RPS6KA2: variants seen among roughly 807,000 people sequenced by gnomAD.
The protein encoded by RPS6KA2 is ribosomal protein S6 kinase A2.
In RPS6KA2, 42 loss-of-function variants were observed where a neutral mutation model predicts 91.8. The observed-to-expected ratio is 0.46, with a 90% CI of 0.36 to 0.59. The LOEUF is 0.59. Ranked by LOEUF, RPS6KA2 falls within the 20% of genes least tolerant of loss-of-function variation. RPS6KA2 has a pLI of 0.00. For synonymous variants in RPS6KA2, 414 were observed against 393.6 expected, an observed-to-expected ratio of 1.05 and a Z score of -0.61; for missense variants, 798 against 978.5, an observed-to-expected ratio of 0.82 and a Z score of 2.46.
chr6:166,662,942 G>A lies in RPS6KA2; in HGVS notation c.124-124158C>T, dbSNP rs372364611. Among the ~76,000 whole-genome samples, 6 of 152,202 alleles carry A rather than the reference G, an allele frequency of 3.9e-5. No individual in the cohort carries two copies. Among genetic ancestry groups the A allele is most frequent in the South Asian group, 2.1e-4 (1 of 4,804 alleles). ...CCTCTGTGTATGGAGGAACGGCCAC[G>A]CGAGGACAGGGAGGAGGCGCCATCT... is the stretch of plus-strand genomic sequence containing the variant. On this transcript the variant is annotated intron_variant, in intron 2 of 21. Coordinates refer to the RPS6KA2 transcript ENST00000503859. This position sits in a 1 kb window ranked among gnomAD's most constrained non-coding sequence, Gnocchi z 4.3.
chr6:166,478,770 C>T (rs962853867), intron 10 of RPS6KA2, among the ~76,000 whole-genome samples: 2 of 152,136 alleles, frequency 1.3e-5, no homozygotes, highest in African/African-American at 4.8e-5. Flanking sequence ...CTCTGCACAC[C>T]GGTGCTCTCT....
At chr6:166,456,195 G>A (rs369140341) in intron 12 of RPS6KA2, among the ~76,000 whole-genome samples, 2 of 152,188 alleles carry the variant, frequency 1.3e-5, no homozygotes, top group Non-Finnish European at 2.9e-5. Flanking sequence ...GAGAGCCTGC[G>A]GAAAGGGTAA....
chr6:166,561,328 G>A (rs1012822058), intron 1 of RPS6KA2, among the ~76,000 whole-genome samples: 14 of 151,966 alleles, frequency 9.2e-5, no homozygotes, highest in African/African-American at 2.4e-4. Context: ...CTTTGTCCCC[G>A]ATACCCTGAA....
At chr6:166,463,091 C>T (rs3817794) in intron 11 of RPS6KA2, 47,532 of 152,260 alleles carry the variant, frequency 0.31, 7,523 homozygotes, top group Admixed American at 0.41. Context: ...CTTTGGACGG[C>T]TTCCTCGAGG....
chr6:166,854,921 AG>A (rs1394352029), intron 2 of RPS6KA2, among the ~76,000 whole-genome samples: 1 of 152,256 alleles, frequency 6.6e-6, no homozygotes, highest in African/African-American at 2.4e-5. Context: ...AATTCACAAT[AG>A]CATAGCCATG....
chr6:166,430,340 G>C, intron 16 of RPS6KA2, 113 bp downstream of exon 16: 2 of 947,624 alleles, frequency 2.1e-6, no homozygotes, highest in Non-Finnish European at 3.2e-6. Flanking sequence ...TGGCACGGAA[G>C]GAATTCCAGG....
intron 2 of RPS6KA2, among the ~76,000 whole-genome samples, chr6:166,700,940 G>C (rs1330850049): frequency 6.6e-6 from 1 of 152,164 alleles, no homozygotes; most frequent in Non-Finnish European, 1.5e-5. Context: ...TTCTCACAGA[G>C]ACAGGAGTTC....
At chr6:166,724,158 T>C (rs931060354) in intron 2 of RPS6KA2, among the ~76,000 whole-genome samples, 33 of 152,228 alleles carry the variant, frequency 2.2e-4, no homozygotes, top group African/African-American at 8.0e-4. Context: ...ATATCAAATA[T>C]GCTATATTAA....
intron 2 of RPS6KA2, among the ~76,000 whole-genome samples, chr6:166,673,015 C>CCCGAGCCCTCT (rs1289115119): frequency 5.9e-5 from 9 of 152,174 alleles, no homozygotes; most frequent in Non-Finnish European, 1.3e-4. Context: ...TGGGTGGGCC[C>CCCGAGCCCTCT]CCGAGCCCTC....
At chr6:166,784,985 C>T (rs912545789) in intron 2 of RPS6KA2, among the ~76,000 whole-genome samples, 3 of 152,230 alleles carry the variant, frequency 2.0e-5, no homozygotes, top group African/African-American at 7.2e-5. Context: ...GGAAAATCCC[C>T]AGCTTGCCCT....
At chr6:166,783,868 C>A (rs1235001711) in intron 2 of RPS6KA2, among the ~76,000 whole-genome samples, 2 of 112,100 alleles carry the variant, frequency 1.8e-5, no homozygotes, top group East Asian at 4.3e-4. Context: ...CACACGTGCA[C>A]ACCTACGCAT....
At chr6:166,630,160 A>G (rs775799421), upstream of RPS6KA2, among the ~76,000 whole-genome samples, 1 of 152,204 alleles carries the variant, frequency 6.6e-6, no homozygotes, top group Non-Finnish European at 1.5e-5. Flanking sequence ...ATAACAGGGC[A>G]CTGTCAGGCA....
intron 1 of RPS6KA2, among the ~76,000 whole-genome samples, chr6:166,621,826 G>C (rs1285495634): frequency 6.6e-6 from 1 of 152,160 alleles, no homozygotes; most frequent in Non-Finnish European, 1.5e-5. Context: ...TGGTTGACCC[G>C]AACGTTGCCT....
chr6:166,449,850 A>AGGACCACCATGGGACAACCACCACGC (rs1779808712), intron 13 of RPS6KA2, among the ~76,000 whole-genome samples: 1 of 87,008 alleles, frequency 1.1e-5, no homozygotes, highest in Non-Finnish European at 2.7e-5. Context: ...GACAACCACG[A>AGGACCACCATGGGACAACCACCACGC]GGACCACCAT....
At chr6:166,729,127 T>A (rs1189307256) in intron 2 of RPS6KA2, among the ~76,000 whole-genome samples, 3 of 152,102 alleles carry the variant, frequency 2.0e-5, no homozygotes, top group African/African-American at 7.2e-5. Flanking sequence ...GGCTGCTGAG[T>A]AGGGGGTAGC....
Position 166,418,998 on chromosome 6 carries a change from G to C in RPS6KA2, c.1821-656C>G, listed in dbSNP as rs1778633597. The stretch of plus-strand genomic sequence containing the variant: ...AAGCGTCACAAAGTAACCTGACTGT[G>C]GTATTGGTAAGAAACTGAGGTTCCT... On this transcript the variant is annotated intron_variant, in intron 18 of 20. Transcript: ENST00000265678. The surrounding 1 kb of genome is among the most constrained non-coding windows in gnomAD (Gnocchi z 4.9). 6.6e-6 allele frequency among the ~76,000 whole-genome samples: 1 copy of C among 152,206 alleles called. No homozygotes were observed. The highest frequency in any genetic ancestry group is 2.4e-5 in the African/African-American group (1 of 41,450).
At chr6:166,498,687 C>T in intron 7 of RPS6KA2, 37 bp from the exon 8 acceptor site, 1 of 1,610,474 alleles carries the variant, frequency 6.2e-7, no homozygotes, top group Non-Finnish European at 8.5e-7. Context: ...GCCTCAGTCT[C>T]TGGGTGTGTT....
At position 166,594,515 on chromosome 6, in the gene RPS6KA2, T is replaced by G. The variant is rs577850599; in HGVS notation, c.99+32406A>C. 5.3e-5 allele frequency among the ~76,000 whole-genome samples: 8 copies of G among 152,238 alleles called. No individual in the cohort carries two copies. In the South Asian group the frequency reaches 1.5e-3, roughly 28 times the overall value. On this transcript the variant is annotated intron_variant, in intron 1 of 20. Coordinates refer to ENST00000265678, the MANE Select transcript of RPS6KA2 (RefSeq NM_021135.6). ...TCTCGCTCTGTCGCCCAGGCTGGAG[T>G]GCAGTGGCGCAATCTCGGCTCACTG...
At chr6:166,552,267 C>A (rs867917860) in intron 1 of RPS6KA2, among the ~76,000 whole-genome samples, 1 of 152,242 alleles carries the variant, frequency 6.6e-6, no homozygotes, top group Non-Finnish European at 1.5e-5. Flanking sequence ...CCTCGCAAAG[C>A]GTCTGGCACC....
Sources: allele counts gnomAD v4.1 joint callset (sites outside exome capture counted in the v4.1 genomes callset), GRCh38; gene constraint gnomAD v4.1.1; non-coding constraint Gnocchi (gnomAD v3.1); transcripts MANE v1.5; gene names NCBI Gene and HGNC (gene_info 2026-07-23, HGNC 2026-07-21).